Variants in PMFBP1 observed in about 807,000 individuals in gnomAD.
The protein encoded by PMFBP1 is polyamine modulated factor 1 binding protein 1.
In PMFBP1, 131 loss-of-function variants were observed where a neutral mutation model predicts 137.8. The observed-to-expected ratio is 0.95, with a 90% CI of 0.82 to 1.10. PMFBP1 has a LOEUF of 1.10. PMFBP1 is among the 50% of genes least tolerant of loss of function. PMFBP1 has a pLI of 0.00. For synonymous variants in PMFBP1, 490 were observed against 450.4 expected (o/e 1.09, Z -1.11); for missense variants, 1,199 against 1,175.4 (o/e 1.02, Z -0.29).
the PMFBP1 span, among the ~76,000 whole-genome samples, chr16:72,236,259 T>C: frequency 6.6e-6 from 1 of 152,170 alleles, no homozygotes; most frequent in South Asian, 2.1e-4. Context: ...AATTCAAAAG[T>C]TGCATTGTTT....
intron 2 of PMFBP1, 80 bp from the exon 3 acceptor site, chr16:72,164,996 A>G: frequency 1.4e-6 from 2 of 1,417,684 alleles, no homozygotes; most frequent in Non-Finnish European, 1.9e-6. Context: ...AGGTTGACAG[A>G]GACTTGAAAT....
At chr16:72,172,231 A>G (rs1466470059), upstream of PMFBP1, 3 of 152,066 alleles carry the variant, frequency 2.0e-5, no homozygotes, top group African/African-American at 7.3e-5. Context: ...TGAAGTCTTC[A>G]TGCACAGAGG....
intron 3 of PMFBP1, among the ~76,000 whole-genome samples, chr16:72,159,589 A>T (rs374152788): frequency 6.6e-6 from 1 of 152,222 alleles, no homozygotes; most frequent in Non-Finnish European, 1.5e-5. Context: ...CACACTATAG[A>T]TATCAATGGG....
chr16:72,121,721 C>T lies in PMFBP1; in HGVS notation c.2768+1193G>A, dbSNP rs186239812. 2.0e-5 allele frequency among the ~76,000 whole-genome samples: 3 copies of T among 152,256 alleles called. No individual in the cohort carries two copies. In the East Asian group the frequency reaches 5.8e-4, roughly 29 times the overall value. On this transcript the variant is annotated intron_variant, in intron 19 of 20. Transcript: ENST00000237353. ...GTCACTGTAGCCTCAACCTCTTGGG[C>T]TCAAGCAATCCTCCCACCCCAGCCT...
At chr16:72,248,610 C>T in the PMFBP1 span, among the ~76,000 whole-genome samples, 3 of 152,166 alleles carry the variant, frequency 2.0e-5, no homozygotes, top group African/African-American at 4.8e-5. Context: ...AAAACAAATA[C>T]TTTGAAAGTA....
chr16:72,145,317 T>A (rs1379143099), intron 5 of PMFBP1, among the ~76,000 whole-genome samples: 1 of 152,296 alleles, frequency 6.6e-6, no homozygotes, highest in South Asian at 2.1e-4. Flanking sequence ...GAAATAAAGA[T>A]GTTCTTTGAA....
the PMFBP1 span, among the ~76,000 whole-genome samples, chr16:72,245,192 A>T: frequency 6.6e-6 from 1 of 152,178 alleles, no homozygotes; most frequent in Non-Finnish European, 1.5e-5. Context: ...ACAGAAAACT[A>T]AATAACAATA....
At chr16:72,186,622 G>C in the PMFBP1 span, among the ~76,000 whole-genome samples, 2 of 152,128 alleles carry the variant, frequency 1.3e-5, no homozygotes, top group Non-Finnish European at 2.9e-5. Flanking sequence ...GTGGGAGACC[G>C]AATAGACAGA....
chr16:72,235,451 G>C, the PMFBP1 span, among the ~76,000 whole-genome samples: 1 of 150,816 alleles, frequency 6.6e-6, no homozygotes, highest in South Asian at 2.1e-4. Context: ...AAGAAAGTGA[G>C]AGGTCTCTAA....
chr16:72,164,364 C>T (rs1348618688), intron 3 of PMFBP1: 11 of 1,270,528 alleles, frequency 8.7e-6, no homozygotes, highest in East Asian at 5.5e-5. Flanking sequence ...CCAATGGACA[C>T]TGATACCTTA....
At chr16:72,245,728 G>A in the PMFBP1 span, among the ~76,000 whole-genome samples, 1 of 152,016 alleles carries the variant, frequency 6.6e-6, no homozygotes, top group East Asian at 1.9e-4. Flanking sequence ...CGGTCTGTAC[G>A]GTGCCCTTCC....
At chr16:72,211,589 A>G in the PMFBP1 span, among the ~76,000 whole-genome samples, 1 of 152,240 alleles carries the variant, frequency 6.6e-6, no homozygotes, top group Admixed American at 6.5e-5. Flanking sequence ...AGAACAGAAA[A>G]TAAACTTAAA....
chr16:72,220,699 G>A, the PMFBP1 span, among the ~76,000 whole-genome samples: 1 of 152,172 alleles, frequency 6.6e-6, no homozygotes, highest in Non-Finnish European at 1.5e-5. Flanking sequence ...ACTCGGCCTT[G>A]CATTTTTCTC....
At chr16:72,204,190 A>ATTTTT in the PMFBP1 span, among the ~76,000 whole-genome samples, 2 of 140,210 alleles carry the variant, frequency 1.4e-5, no homozygotes, top group African/African-American at 2.6e-5. Context: ...ACTCATGCGC[A>ATTTTT]TTTTTTTTTT....
intron 7 of PMFBP1, among the ~76,000 whole-genome samples, chr16:72,138,007 T>C (rs1448058288): frequency 1.3e-5 from 2 of 152,032 alleles, no homozygotes; most frequent in African/African-American, 2.4e-5. Context: ...CTCTCATTCC[T>C]AATGGAGCCC....
chr16:72,187,924 G>A, the PMFBP1 span, among the ~76,000 whole-genome samples: 1 of 152,190 alleles, frequency 6.6e-6, no homozygotes, highest in Non-Finnish European at 1.5e-5. Context: ...CCACAGATGT[G>A]GCTGTGAGCA....
At chr16:72,207,094 C>T in the PMFBP1 span, among the ~76,000 whole-genome samples, 15 of 152,140 alleles carry the variant, frequency 9.9e-5, no homozygotes, top group East Asian at 2.9e-3. Flanking sequence ...TTGGGCTTGG[C>T]ACTGAGTCCC....
At chr16:72,125,901 C>A in intron 15 of PMFBP1, 67 bp downstream of exon 15, 1 of 1,559,546 alleles carries the variant, frequency 6.4e-7, no homozygotes, top group South Asian at 1.2e-5. Flanking sequence ...GGCTCCTGTG[C>A]TTCTCCCGCT....
intron 3 of PMFBP1, among the ~76,000 whole-genome samples, chr16:72,164,102 C>A (rs928667255): frequency 1.3e-5 from 2 of 152,148 alleles, no homozygotes; most frequent in Non-Finnish European, 2.9e-5. Context: ...AGTCAGGTAC[C>A]GCTGTGAGCA....
Sources: gnomAD v4.1 joint callset for allele counts (sites outside exome capture counted in the v4.1 genomes callset) on GRCh38, gnomAD v4.1.1 for gene constraint, MANE v1.5 for transcripts, NCBI Gene and HGNC (gene_info 2026-07-23, HGNC 2026-07-21) for gene names.